CPT1A: variants seen among roughly 807,000 people sequenced by gnomAD.
CPT1A encodes carnitine palmitoyltransferase 1A.
Under a neutral mutation model 100.8 loss-of-function variants are expected in CPT1A, and 64 were observed. The ratio of observed to expected loss-of-function variants is 0.63; its 90% CI spans 0.52 to 0.78. CPT1A has a LOEUF of 0.78. Among genes scored for constraint, CPT1A ranks in the 30% least tolerant of loss-of-function variants. CPT1A has a pLI of 0.00. For synonymous variants in CPT1A, 363 were observed against 396.0 expected (o/e 0.92, Z 0.99); for missense variants, 802 against 1,034.1 (o/e 0.78, Z 3.08).
intron 1 of CPT1A, among the ~76,000 whole-genome samples, chr11:68,833,354 C>T (rs1012858617): frequency 3.9e-5 from 6 of 152,218 alleles, no homozygotes; most frequent in African/African-American, 9.6e-5. Flanking sequence ...TGTGGGTGTG[C>T]GCTCTCTGCA....
intron 9 of CPT1A, among the ~76,000 whole-genome samples, chr11:68,786,940 C>T (rs973900972): frequency 1.3e-5 from 2 of 152,148 alleles, no homozygotes; most frequent in African/African-American, 4.8e-5. Flanking sequence ...GAAGCCTTCG[C>T]TTTAAAGTCA....
intron 1 of CPT1A, among the ~76,000 whole-genome samples, chr11:68,829,834 C>T (rs1349020950): frequency 6.6e-6 from 1 of 151,840 alleles, no homozygotes; most frequent in African/African-American, 2.4e-5. Flanking sequence ...CGGCCTCCAC[C>T]ACACCAAAAA....
chr11:68,773,508 T>A, intron 13 of CPT1A, 79 bp from the exon 14 acceptor site: 2 of 1,602,606 alleles, frequency 1.2e-6, no homozygotes, highest in Non-Finnish European at 1.7e-6. Flanking sequence ...AATTGGAGGC[T>A]GGTTTTTAGT....
upstream of CPT1A, among the ~76,000 whole-genome samples, chr11:68,843,275 C>T (rs922079176): frequency 3.3e-5 from 5 of 152,156 alleles, no homozygotes; most frequent in African/African-American, 9.7e-5. This position sits in a 1 kb window ranked among gnomAD's most constrained non-coding sequence, Gnocchi z 4.0. Context: ...AGATGACCAC[C>T]GGCCTTCCCA....
chr11:68,760,776 C>T (rs557682526), intron 16 of CPT1A, among the ~76,000 whole-genome samples: 2 of 152,260 alleles, frequency 1.3e-5, no homozygotes, highest in Non-Finnish European at 2.9e-5. Context: ...ACTTTGGGAA[C>T]CCGACGCGGG....
At chr11:68,791,036 C>T (rs1365055824) in intron 9 of CPT1A, among the ~76,000 whole-genome samples, 1 of 152,174 alleles carries the variant, frequency 6.6e-6, no homozygotes, top group Non-Finnish European at 1.5e-5. Context: ...GTTGGCCAGG[C>T]TGGTGTCGAA....
At chr11:68,829,293 A>C (rs1462009368) in intron 1 of CPT1A, among the ~76,000 whole-genome samples, 1 of 152,090 alleles carries the variant, frequency 6.6e-6, no homozygotes, top group Non-Finnish European at 1.5e-5. Flanking sequence ...AGACCTGCCC[A>C]ACGGCTCTTT....
chr11:68,788,630 TAAAAAAAAA>T, intron 9 of CPT1A, among the ~76,000 whole-genome samples: 2 of 27,548 alleles, frequency 7.3e-5, no homozygotes, highest in Non-Finnish European at 1.2e-4. Flanking sequence ...CAAACAAAAG[TAAAAAAAAA>T]AAAAAAAAAA....
intron 11 of CPT1A, 115 bp from the exon 12 acceptor site, chr11:68,780,860 A>T (rs1855291021): frequency 1.3e-6 from 1 of 762,396 alleles, no homozygotes; most frequent in African/African-American, 1.7e-5. Context: ...CTGTCCCTCT[A>T]ACAGTGAGCA....
In CPT1A at chr11:68,835,586, T is replaced by C. The variant is rs183622214; in HGVS notation, c.-14+6189A>G. On this transcript the variant is annotated intron_variant, in intron 1 of 18. Coordinates refer to ENST00000265641, the MANE Select transcript of CPT1A (RefSeq NM_001876.4). ...AACTCTCTTCACATCTGACCTCTGA[T>C]TGGATCCTCACAAAACTCGTGTGAC... is the stretch of plus-strand genomic sequence containing the variant. 2.4e-3 allele frequency among the ~76,000 whole-genome samples: 362 copies of C among 152,320 alleles called. 1 individual carries two copies. Among genetic ancestry groups the C allele is most frequent in the Non-Finnish European group, 3.3e-3 (227 of 68,024 alleles).
intron 1 of CPT1A, among the ~76,000 whole-genome samples, chr11:68,837,527 T>C (rs1857038913): frequency 6.6e-6 from 1 of 152,196 alleles, no homozygotes; most frequent in Non-Finnish European, 1.5e-5. Context: ...CGGGTCCAGA[T>C]GTCCTCAGCC....
chr11:68,819,868 T>A (rs2154001775), intron 1 of CPT1A, among the ~76,000 whole-genome samples: 1 of 152,196 alleles, frequency 6.6e-6, no homozygotes, highest in South Asian at 2.1e-4. Flanking sequence ...CAGAAATGAG[T>A]GAATCCAACA....
At chr11:68,787,509 C>T (rs1192505536) in intron 9 of CPT1A, among the ~76,000 whole-genome samples, 1 of 151,882 alleles carries the variant, frequency 6.6e-6, no homozygotes, top group African/African-American at 2.4e-5. Flanking sequence ...CCCCAGGGCA[C>T]AGGCTGAACT....
intron 1 of CPT1A, among the ~76,000 whole-genome samples, chr11:68,823,564 G>A (rs1397373484): frequency 4.5e-4 from 68 of 150,184 alleles, no homozygotes; most frequent in Non-Finnish European, 8.2e-4. Flanking sequence ...CGAGGCGGGA[G>A]GATCAACTGA....
chr11:68,760,712 C>T (rs1566339039), intron 16 of CPT1A, among the ~76,000 whole-genome samples: 1 of 152,172 alleles, frequency 6.6e-6, no homozygotes, highest in East Asian at 1.9e-4. Flanking sequence ...TAAATACAGC[C>T]ACTATTAAAA....
rs1491356211 is a variant in CPT1A at position 68,838,572 on chromosome 11, T to TTAAAAAAAAA, written c.-14+3202_-14+3203insTTTTTTTTTA. ...ACTCTACTCTGTATCTGCACCTTTT[T>TTAAAAAAAAA]AAAAAAAAAAAAAAAAAAACAGAGA... On this transcript the variant is annotated intron_variant, in intron 1 of 18. Coordinates refer to ENST00000265641, the MANE Select transcript of CPT1A (RefSeq NM_001876.4). Among the ~76,000 whole-genome samples, 9 of 95,514 alleles carry TTAAAAAAAAA rather than the reference T, an allele frequency of 9.4e-5. 1 individual carries two copies. The highest frequency in any genetic ancestry group is 4.1e-4 in the African/African-American group (8 of 19,724). The allele number at this position is 95,514 out of a possible 152,430, so 62.7% of individuals were successfully genotyped here.
chr11:68,796,809 C>T (rs561158094), intron 7 of CPT1A, 47 bp downstream of exon 7: 244 of 1,588,844 alleles, frequency 1.5e-4, no homozygotes, highest in Non-Finnish European at 1.3e-4. Context: ...GACAGACCCG[C>T]CGCCCCACCG....
chr11:68,808,258 T>G (rs1003216179), intron 3 of CPT1A, among the ~76,000 whole-genome samples: 3 of 152,206 alleles, frequency 2.0e-5, no homozygotes, highest in Non-Finnish European at 4.4e-5. Context: ...AGAAACGGAC[T>G]GTGTAAAACG....
At chr11:68,835,630 A>T (rs1856990310) in intron 1 of CPT1A, among the ~76,000 whole-genome samples, 1 of 152,140 alleles carries the variant, frequency 6.6e-6, no homozygotes, top group South Asian at 2.1e-4. Flanking sequence ...ACAGGTTCAG[A>T]CCCACCACCT....
Sources: allele counts gnomAD v4.1 joint callset (sites outside exome capture counted in the v4.1 genomes callset), GRCh38; gene constraint gnomAD v4.1.1; non-coding constraint Gnocchi (gnomAD v3.1); transcripts MANE v1.5; gene names NCBI Gene and HGNC (gene_info 2026-07-23, HGNC 2026-07-21).